The following OSBPL10 variants were observed in gnomAD, a reference collection of about 807,000 sequenced individuals.
OSBPL10 encodes the protein oxysterol binding protein like 10, also known as oxysterol-binding protein-related protein 10.
In OSBPL10, 49 loss-of-function variants were observed where a neutral mutation model predicts 81.7. The observed-to-expected ratio is 0.60, with a 90% CI of 0.48 to 0.76. The LOEUF is 0.76. Ranked by LOEUF, OSBPL10 falls within the 30% of genes least tolerant of loss-of-function variation. OSBPL10 has a pLI of 0.00. For synonymous variants in OSBPL10, 419 were observed against 383.6 expected, an observed-to-expected ratio of 1.09 and a Z score of -1.08; for missense variants, 923 against 987.8, an observed-to-expected ratio of 0.93 and a Z score of 0.88.
chr3:31,678,781 ACT>A (rs1491426422), intron 8 of OSBPL10, among the ~76,000 whole-genome samples: 3 of 99,212 alleles, frequency 3.0e-5, no homozygotes, highest in Admixed American at 1.2e-4. Context: ...ACAGATTCAA[ACT>A]GTGTGTGTGT....
At position 32,059,930 on chromosome 3, in the gene OSBPL10, AG is replaced by A. The variant is rs201873278; in HGVS notation, n.186-13328del. On this transcript the variant is annotated intron_variant and non_coding_transcript_variant, in intron 1 of 3. Transcript: ENST00000479173. ...CTGTCTCAAAAGAAAGAAAAAAAAC[AG>A]GCTAAATTAATATAGGGTTCGAGAA... Among the ~76,000 whole-genome samples, 1,085 of 152,206 alleles carry A rather than the reference AG, an allele frequency of 7.1e-3. 11 individuals are homozygous for A. The highest frequency in any genetic ancestry group is 0.025 in the African/African-American group (1,041 of 41,528).
At chr3:31,725,434 G>A (rs182213062) in intron 6 of OSBPL10, among the ~76,000 whole-genome samples, 12 of 152,188 alleles carry the variant, frequency 7.9e-5, no homozygotes, top group South Asian at 2.1e-4. Context: ...GAAAAAACCC[G>A]GATGATCAAA....
chr3:31,995,214 T>A (rs1699077937), intron 2 of OSBPL10, among the ~76,000 whole-genome samples: 1 of 152,192 alleles, frequency 6.6e-6, no homozygotes, highest in Admixed American at 6.5e-5. Flanking sequence ...ACCTCAAATT[T>A]ACCAGGCTGG....
chr3:31,883,223 C>A (rs1237369078), intron 1 of OSBPL10, among the ~76,000 whole-genome samples: 1 of 149,314 alleles, frequency 6.7e-6, no homozygotes, highest in Non-Finnish European at 1.5e-5. Flanking sequence ...TGCAGCATCC[C>A]CTTTGACAAG....
At position 31,891,596 on chromosome 3, in the gene OSBPL10, T is replaced by C. The variant is rs113543435; in HGVS notation, c.282-11766A>G. 8.4e-3 allele frequency among the ~76,000 whole-genome samples: 1,287 copies of C among 152,346 alleles called. 6 individuals are homozygous for C. The highest frequency in any genetic ancestry group is 0.013 in the Non-Finnish European group (911 of 68,034). On this transcript the variant is annotated intron_variant, in intron 1 of 11. Transcript: ENST00000396556. ...CTAAATGCAGACAGTAAATCAGATC[T>C]GATGCTGATGCTCATATTGCATTGT...
chr3:31,783,353 T>C (rs996515373), intron 4 of OSBPL10, among the ~76,000 whole-genome samples: 1 of 151,776 alleles, frequency 6.6e-6, no homozygotes, highest in African/African-American at 2.4e-5. Context: ...TGGGAACTCA[T>C]AGGGAAGGGT....
chr3:32,069,829 T>C (rs1362282938), intron 1 of OSBPL10, among the ~76,000 whole-genome samples: 1 of 152,182 alleles, frequency 6.6e-6, no homozygotes, highest in Non-Finnish European at 1.5e-5. Context: ...ATCAAAGCCA[T>C]AGCTCCCAGG....
chr3:31,679,104 G>A lies in OSBPL10; in HGVS notation c.1726+4530C>T, dbSNP rs145810213. ...GCTGCAGACACAGTGGCCCCTGGCT[G>A]TCCTCAAAACACCCCAGCCACTAGC... On this transcript the variant is annotated intron_variant, in intron 8 of 11. Coordinates refer to ENST00000396556, the MANE Select transcript of OSBPL10 (RefSeq NM_017784.5). Among the ~76,000 whole-genome samples the A allele has an allele frequency of 2.7e-3, 414 of 152,202 alleles. 2 individuals carry two copies. The highest frequency in any genetic ancestry group is 4.7e-3 in the Non-Finnish European group (318 of 67,998).
rs572780774 is a variant in OSBPL10, at chr3:31,915,898, A to G, written c.282-36068T>C. Among the ~76,000 whole-genome samples the G allele has an allele frequency of 1.1e-4, 16 of 152,228 alleles. 1 individual carries two copies. The South Asian group carries it at 3.3e-3, about 32-fold the overall frequency. ...CACCTGAGGTCAGGAGTTCAAGACC[A>G]GCCTGACCAATACGGCGAAACCCCG... On this transcript the variant is annotated intron_variant, in intron 1 of 11. Coordinates refer to ENST00000396556, the MANE Select transcript of OSBPL10 (RefSeq NM_017784.5).
At chr3:31,915,317 T>C (rs1403790336) in intron 1 of OSBPL10, among the ~76,000 whole-genome samples, 1 of 152,170 alleles carries the variant, frequency 6.6e-6, no homozygotes, top group Non-Finnish European at 1.5e-5. Flanking sequence ...CCTTCAGGTG[T>C]TCATCACAGC....
chr3:31,913,084 A>C (rs1031760396), intron 1 of OSBPL10, among the ~76,000 whole-genome samples: 2 of 152,156 alleles, frequency 1.3e-5, no homozygotes, highest in Non-Finnish European at 2.9e-5. Context: ...GGAATTTCTA[A>C]AATGCCATTT....
intron 3 of OSBPL10, among the ~76,000 whole-genome samples, chr3:31,870,552 T>G (rs1701295240): frequency 1.3e-5 from 2 of 152,234 alleles, no homozygotes; most frequent in Non-Finnish European, 2.9e-5. Flanking sequence ...CGGTGCGGGA[T>G]CCACTGGGTG....
chr3:31,965,434 AT>A (rs1244790102), intron 1 of OSBPL10, among the ~76,000 whole-genome samples: 4 of 82,238 alleles, frequency 4.9e-5, no homozygotes, highest in African/African-American at 3.8e-4. Flanking sequence ...TAGATAATAT[AT>A]AATATATATT....
intron 1 of OSBPL10, among the ~76,000 whole-genome samples, chr3:31,910,776 T>G (rs1203707998): frequency 6.6e-6 from 1 of 152,164 alleles, no homozygotes; most frequent in African/African-American, 2.4e-5. Flanking sequence ...GAGTAAAATT[T>G]AACAAATGGC....
chr3:31,739,010 T>C (rs568250298), intron 5 of OSBPL10, among the ~76,000 whole-genome samples: 14 of 152,088 alleles, frequency 9.2e-5, no homozygotes, highest in Admixed American at 3.9e-4. Flanking sequence ...TCACCTCAGA[T>C]GTAAAATAAA....
intron 3 of OSBPL10, among the ~76,000 whole-genome samples, chr3:31,849,167 T>C (rs951495803): frequency 1.3e-5 from 2 of 152,174 alleles, no homozygotes; most frequent in Non-Finnish European, 2.9e-5. Flanking sequence ...AATGAGGCCA[T>C]CCAGGAATAA....
chr3:31,811,345 A>T (rs1699674549), intron 4 of OSBPL10, among the ~76,000 whole-genome samples: 1 of 152,262 alleles, frequency 6.6e-6, no homozygotes, highest in East Asian at 1.9e-4. Flanking sequence ...GCCTGGGCTC[A>T]GAACTCGCAG....
intron 2 of OSBPL10, among the ~76,000 whole-genome samples, chr3:32,026,056 A>ATAGATAGATAGATGAT (rs1553649783): frequency 5.3e-4 from 55 of 104,366 alleles, no homozygotes; most frequent in African/African-American, 2.2e-3. Flanking sequence ...AGATAGATAG[A>ATAGATAGATAGATGAT]TGATAGATAG....
At chr3:31,689,015 C>T (rs1231543651) in intron 7 of OSBPL10, among the ~76,000 whole-genome samples, 2 of 152,120 alleles carry the variant, frequency 1.3e-5, no homozygotes, top group Non-Finnish European at 2.9e-5. Flanking sequence ...AGTCTGAAGG[C>T]ATCTTCCTCT....
Sources: allele counts gnomAD v4.1 joint callset (sites outside exome capture counted in the v4.1 genomes callset), GRCh38; gene constraint gnomAD v4.1.1; transcripts MANE v1.5; gene names NCBI Gene and HGNC (gene_info 2026-07-23, HGNC 2026-07-21).